PDHX: variants seen among roughly 807,000 people sequenced by gnomAD.
The protein encoded by PDHX is pyruvate dehydrogenase protein X component, mitochondrial.
A neutral mutation model predicts 55.3 loss-of-function variants in PDHX; 33 were observed. The ratio of observed to expected loss-of-function variants is 0.60; its 90% CI spans 0.45 to 0.80. PDHX has a LOEUF of 0.80. Among genes scored for constraint, PDHX ranks in the 30% least tolerant of loss-of-function variants. The probability of loss-of-function intolerance (pLI) is 0.00; values close to 1 mark genes in which losing one functional copy is unlikely to be tolerated. For synonymous variants in PDHX, 226 were observed against 219.4 expected (o/e 1.03, Z -0.27); for missense variants, 622 against 619.9 (o/e 1.00, Z -0.04).
At position 34,995,572 on chromosome 11, in the gene PDHX, G is replaced by A. The variant is rs1855843327; in HGVS notation, c.*400G>A. The A allele has an allele frequency of 1.1e-5, 3 of 266,274 alleles. No individual in the cohort carries two copies. The South Asian group carries it at 1.2e-4, about 11-fold the overall frequency. 16.5% of individuals were successfully genotyped at this position (266,274 alleles called of 1,614,324 possible). On this transcript the variant is annotated 3_prime_UTR_variant, in exon 11 of 11. Coordinates refer to ENST00000227868, the MANE Select transcript of PDHX (RefSeq NM_003477.3). Reference sequence around the variant, plus strand: ...TACCATAATTATGTTGAAGGTAGAAGTGATCTTCAAAGAGATGGCCATTAA... The same window carrying A: ...TACCATAATTATGTTGAAGGTAGAAATGATCTTCAAAGAGATGGCCATTAA...
At chr11:34,987,319 C>T (rs747610188) in intron 9 of PDHX, among the ~76,000 whole-genome samples, 6 of 152,148 alleles carry the variant, frequency 3.9e-5, no homozygotes, top group Non-Finnish European at 7.3e-5. Context: ...CAGTGTGTCA[C>T]ATGGTACAGA....
At chr11:34,924,269 C>G (rs985721120) in intron 1 of PDHX, among the ~76,000 whole-genome samples, 3 of 152,034 alleles carry the variant, frequency 2.0e-5, no homozygotes, top group South Asian at 2.1e-4. Flanking sequence ...TTAGATGGAG[C>G]CTTACTCTGT....
intron 10 of PDHX, 115 bp downstream of exon 10, chr11:34,992,494 A>G (rs561631340): frequency 1.5e-6 from 1 of 656,150 alleles, no homozygotes; most frequent in Admixed American, 2.5e-5. Flanking sequence ...AGCTAAAAAT[A>G]CTTTATTTAG....
chr11:34,945,008 T>A (rs1440724141), intron 2 of PDHX, among the ~76,000 whole-genome samples: 6 of 151,924 alleles, frequency 3.9e-5, no homozygotes, highest in African/African-American at 1.5e-4. Context: ...AACTTCTTAT[T>A]TTTCCTCTGT....
intron 7 of PDHX, among the ~76,000 whole-genome samples, chr11:34,976,810 C>T (rs1166555799): frequency 1.3e-5 from 2 of 152,000 alleles, no homozygotes; most frequent in African/African-American, 2.4e-5. Context: ...GTTTGGGGGT[C>T]ATTAGCTGGC....
chr11:34,976,591 G>T (rs1395759581), intron 7 of PDHX, among the ~76,000 whole-genome samples: 2 of 152,110 alleles, frequency 1.3e-5, no homozygotes, highest in African/African-American at 2.4e-5. Flanking sequence ...CTTGGAATTG[G>T]AACTGGAACT....
intron 6 of PDHX, among the ~76,000 whole-genome samples, chr11:34,967,812 A>C (rs1301050935): frequency 2.6e-5 from 4 of 152,316 alleles, no homozygotes; most frequent in African/African-American, 9.6e-5. Context: ...CAGATTTTTA[A>C]ATATCCATTA....
intron 9 of PDHX, among the ~76,000 whole-genome samples, chr11:34,987,281 C>G (rs1323918759): frequency 6.6e-6 from 1 of 152,120 alleles, no homozygotes; most frequent in African/African-American, 2.4e-5. Context: ...ATGAAGTACT[C>G]TTGCTGGGCA....
At position 34,973,930 on chromosome 11, in the gene PDHX, A is replaced by G. The variant is rs966975045; in HGVS notation, c.964+3644A>G. 4.6e-5 allele frequency among the ~76,000 whole-genome samples: 7 copies of G among 152,282 alleles called. 1 individual carries two copies. ...CTTCCTTTAATGCTTCTTATAGTAC[A>G]GATTGACTGACAATAAATTTTCTCA... On this transcript the variant is annotated intron_variant, in intron 7 of 10. Coordinates refer to ENST00000227868, the MANE Select transcript of PDHX (RefSeq NM_003477.3).
intron 5 of PDHX, among the ~76,000 whole-genome samples, chr11:34,966,001 C>G (rs1255313305): frequency 1.3e-5 from 2 of 152,026 alleles, no homozygotes; most frequent in Non-Finnish European, 2.9e-5. Context: ...TATCCTCTTA[C>G]AAGACAAAAA....
chr11:34,938,244 T>C (rs890890849), intron 2 of PDHX, among the ~76,000 whole-genome samples: 1 of 151,744 alleles, frequency 6.6e-6, no homozygotes, highest in African/African-American at 2.4e-5. Context: ...AAAATGAAAA[T>C]TATTCAATAA....
intron 7 of PDHX, among the ~76,000 whole-genome samples, chr11:34,972,320 T>A (rs987050403): frequency 2.6e-5 from 4 of 152,154 alleles, no homozygotes; most frequent in African/African-American, 7.2e-5. Flanking sequence ...TTTGAGACCT[T>A]TATTTTTTAA....
intron 9 of PDHX, among the ~76,000 whole-genome samples, chr11:34,990,022 C>T (rs1007975304): frequency 5.9e-5 from 9 of 152,188 alleles, no homozygotes; most frequent in African/African-American, 1.4e-4. Context: ...ATCTGTACTA[C>T]GCATTTACTT....
At chr11:34,980,878 A>C (rs1319641190) in intron 8 of PDHX, among the ~76,000 whole-genome samples, 4 of 152,090 alleles carry the variant, frequency 2.6e-5, no homozygotes, top group Non-Finnish European at 5.9e-5. Context: ...GAAAACAAAG[A>C]ATTTTTGAGA....
At chr11:34,979,738 A>C (rs1855466856) in intron 8 of PDHX, among the ~76,000 whole-genome samples, 1 of 152,062 alleles carries the variant, frequency 6.6e-6, no homozygotes, top group Non-Finnish European at 1.5e-5. Flanking sequence ...CCTTAAATAA[A>C]TCTCTAATGG....
At chr11:34,968,901 T>C (rs951350256) in intron 6 of PDHX, among the ~76,000 whole-genome samples, 1 of 152,250 alleles carries the variant, frequency 6.6e-6, no homozygotes, top group Non-Finnish European at 1.5e-5. Flanking sequence ...ACATGGCCTG[T>C]CTTGGTGGAT....
At chr11:34,958,632 G>A (rs1475155105) in intron 4 of PDHX, among the ~76,000 whole-genome samples, 2 of 52,662 alleles carry the variant, frequency 3.8e-5, no homozygotes, top group Non-Finnish European at 8.6e-5. Context: ...TAAATTCCTA[G>A]TGCAGTGTTT....
At chr11:34,967,503 T>A (rs1362164233) in intron 6 of PDHX, among the ~76,000 whole-genome samples, 1 of 152,216 alleles carries the variant, frequency 6.6e-6, no homozygotes, top group African/African-American at 2.4e-5. Context: ...ATGTTCTACT[T>A]TTTAACTAGG....
chr11:34,967,799 A>G (rs1254670230), intron 6 of PDHX, among the ~76,000 whole-genome samples: 3 of 152,186 alleles, frequency 2.0e-5, no homozygotes, highest in Non-Finnish European at 2.9e-5. Context: ...CTTTCATGGG[A>G]AACAGATTTT....
Sources: allele counts gnomAD v4.1 joint callset (sites outside exome capture counted in the v4.1 genomes callset), GRCh38; gene constraint gnomAD v4.1.1; transcripts MANE v1.5; gene names NCBI Gene and HGNC (gene_info 2026-07-23, HGNC 2026-07-21).